The following ZFHX3 variants were observed in gnomAD, a reference collection of about 807,000 sequenced individuals.
ZFHX3 encodes the protein zinc finger homeobox 3.
ZFHX3 carries 42 observed loss-of-function variants against 279.1 expected under a neutral mutation model. That is an observed-to-expected ratio of 0.15 (90% CI 0.12 to 0.19). The LOEUF is 0.19. Among genes scored for constraint, ZFHX3 ranks in the 10% least tolerant of loss-of-function variants. The probability of loss-of-function intolerance (pLI) is 1.00; values close to 1 mark genes in which losing one functional copy is unlikely to be tolerated. For synonymous variants in ZFHX3, 2,293 were observed against 1,957.8 expected (o/e 1.17, Z -4.52); for missense variants, 4,981 against 4,754.0 (o/e 1.05, Z -1.40).
At chr16:73,260,679 GGTTT>G (rs1567433263) in intron 4 of ZFHX3, among the ~76,000 whole-genome samples, 3 of 114,752 alleles carry the variant, frequency 2.6e-5, no homozygotes, top group Non-Finnish European at 5.3e-5. Flanking sequence ...GCACCTATCT[GGTTT>G]TTTTTTTTTT....
rs188934074 is a variant in ZFHX3, at chr16:72,834,522, T to G, written c.3449-4663A>C. ...TGGTTTTGCTGACCACAAATGCAAA[T>G]TGATCTCTTAATATACCTTATACTT... On this transcript the variant is annotated intron_variant, in intron 4 of 9. Coordinates refer to ENST00000268489, the MANE Select transcript of ZFHX3 (RefSeq NM_006885.4). 2.2e-3 allele frequency among the ~76,000 whole-genome samples: 333 copies of G among 152,312 alleles called. 4 individuals carry two copies. The highest frequency in any genetic ancestry group is 7.0e-3 in the African/African-American group (290 of 41,562).
intron 2 of ZFHX3, among the ~76,000 whole-genome samples, chr16:73,462,803 T>G (rs565011105): frequency 4.0e-4 from 61 of 152,316 alleles, no homozygotes; most frequent in African/African-American, 1.2e-3. Context: ...TATATAATGT[T>G]GAATTCTATT....
intron 3 of ZFHX3, among the ~76,000 whole-genome samples, chr16:73,372,069 T>C (rs1025993616): frequency 2.6e-5 from 4 of 152,216 alleles, no homozygotes; most frequent in African/African-American, 4.8e-5. Context: ...TCCATAAAAG[T>C]CTATGTACAC....
intron 1 of ZFHX3, among the ~76,000 whole-genome samples, chr16:73,719,644 TA>T (rs1179408748): frequency 2.0e-5 from 3 of 152,226 alleles, no homozygotes; most frequent in East Asian, 3.8e-4. Context: ...TTTATTTTTT[TA>T]TTTTTTTATT....
intron 4 of ZFHX3, among the ~76,000 whole-genome samples, chr16:72,860,941 C>A (rs9937452): frequency 0.62 from 94,894 of 152,070 alleles, 30,240 homozygotes; most frequent in African/African-American, 0.75. Context: ...GTGTGCACAA[C>A]GGTGACTTTA....
chr16:73,807,619 A>ATTTTTTTT lies in ZFHX3; in HGVS notation c.-1608+84031_-1608+84032insAAAAAAAA, dbSNP rs1960314019. On this transcript the variant is annotated intron_variant, in intron 1 of 17. Transcript: ENST00000641206. ...CTACAGGCACATTCCACCATGCCCCAATTTTTTTTTTTTTTTTTTTTTTTT... is the reference window on the plus strand; with the variant it reads ...CTACAGGCACATTCCACCATGCCCCATTTTTTTTATTTTTTTTTTTTTTTTTTTTTTTT... Among the ~76,000 whole-genome samples the ATTTTTTTT allele has an allele frequency of 6.4e-5, 6 of 93,698 alleles. 1 individual carries two copies. The highest frequency in any genetic ancestry group is 3.5e-4 in the African/African-American group (6 of 16,992). 61.5% of individuals were successfully genotyped at this position (93,698 alleles called of 152,430 possible). A position where few individuals can be genotyped will look rare whatever the true frequency, so the allele number is the denominator to read the frequency against.
At chr16:73,048,841 A>T, upstream of ZFHX3, among the ~76,000 whole-genome samples, 1 of 152,262 alleles carries the variant, frequency 6.6e-6, no homozygotes, top group Non-Finnish European at 1.5e-5. Flanking sequence ...TTTTGAGGCC[A>T]GAGAAAGAGA....
At position 72,959,549 on chromosome 16, in the gene ZFHX3, G is replaced by A. The variant is rs1468402235; in HGVS notation, c.597C>T (p.His199=). The change falls in exon 2 of 10, where the codon CAC becomes CAT. Residue 199 remains histidine (H), a synonymous_variant. Transcript: ENST00000268489. ...ACCATTTCCCGAAGGATGAGGCTAT[G>A]TGGAAAGTGTTGATGATCTGCGGGT... The part of the protein sequence containing the change: ...PVYPQIINTF[H]IASSFGKWFE... 1 of 1,614,240 alleles carries A rather than the reference G, an allele frequency of 6.2e-7. No individual in the cohort carries two copies. Among genetic ancestry groups the A allele is most frequent in the African/African-American group, 1.3e-5 (1 of 75,066 alleles).
chr16:72,799,983 C>CCGG, intron 8 of ZFHX3, 44 bp downstream of exon 8: 1 of 1,566,898 alleles, frequency 6.4e-7, no homozygotes, highest in Middle Eastern at 1.7e-4. Flanking sequence ...TTTTGGCATT[C>CCGG]CATCTTGTTT....
chr16:73,814,602 T>C (rs1040858126), intron 1 of ZFHX3, among the ~76,000 whole-genome samples: 13 of 151,730 alleles, frequency 8.6e-5, no homozygotes, highest in Admixed American at 6.6e-5. Flanking sequence ...AGTTTCGCTC[T>C]TGTTGCCCAG....
chr16:73,147,881 A>G (rs898759524), intron 5 of ZFHX3, among the ~76,000 whole-genome samples: 2 of 152,172 alleles, frequency 1.3e-5, no homozygotes, highest in African/African-American at 4.8e-5. Context: ...CAAAAACAAA[A>G]ATAAAAAAAC....
intron 1 of ZFHX3, among the ~76,000 whole-genome samples, chr16:73,805,033 G>A (rs563455628): frequency 1.9e-3 from 294 of 151,814 alleles, no homozygotes; most frequent in African/African-American, 6.6e-3. Flanking sequence ...TCTTAAGCGA[G>A]TATACTTAGT....
chr16:73,035,447 C>T (rs1964864268), intron 1 of ZFHX3, among the ~76,000 whole-genome samples: 1 of 152,190 alleles, frequency 6.6e-6, no homozygotes, highest in South Asian at 2.1e-4. Flanking sequence ...CTGTCTTGAA[C>T]ATCTCCCTAA....
At chr16:73,378,824 C>T (rs907553541) in intron 3 of ZFHX3, among the ~76,000 whole-genome samples, 2 of 152,180 alleles carry the variant, frequency 1.3e-5, no homozygotes, top group South Asian at 2.1e-4. Flanking sequence ...AGCTCAAGTG[C>T]ATTATCCCCT....
chr16:73,181,610 C>A (rs1041422506), intron 5 of ZFHX3, among the ~76,000 whole-genome samples: 3 of 152,182 alleles, frequency 2.0e-5, no homozygotes, highest in African/African-American at 7.2e-5. Context: ...CAAGTTCTAT[C>A]CCCTCTTCTT....
At chr16:73,733,931 G>C (rs1166781572) in intron 1 of ZFHX3, among the ~76,000 whole-genome samples, 1 of 152,114 alleles carries the variant, frequency 6.6e-6, no homozygotes, top group Non-Finnish European at 1.5e-5. Context: ...TGGTAACAGT[G>C]GTCCCCAATT....
At chr16:73,434,255 T>C (rs1351423910) in intron 3 of ZFHX3, among the ~76,000 whole-genome samples, 1 of 152,214 alleles carries the variant, frequency 6.6e-6, no homozygotes, top group East Asian at 1.9e-4. Context: ...TCTACACTTC[T>C]CGTGCCCCAC....
At chr16:73,569,096 G>C (rs2020493652) in intron 2 of ZFHX3, among the ~76,000 whole-genome samples, 1 of 152,084 alleles carries the variant, frequency 6.6e-6, no homozygotes, top group Non-Finnish European at 1.5e-5. Flanking sequence ...GTCAAGCCAG[G>C]GACCTTAGCA....
rs767023289 is a variant in ZFHX3 at position 72,868,104 on chromosome 16, G to A, written c.3448+21627C>T. 3.0e-4 allele frequency among the ~76,000 whole-genome samples: 46 copies of A among 152,182 alleles called. 1 individual carries two copies. The highest frequency in any genetic ancestry group is 4.0e-4 in the Non-Finnish European group (27 of 68,036). ...GCAAATACTAAGTAATCAGCCAAACGAGGCTGTCCAATCTTTTTGGAATAA... is the reference window on the plus strand; with the variant it reads ...GCAAATACTAAGTAATCAGCCAAACAAGGCTGTCCAATCTTTTTGGAATAA... On this transcript the variant is annotated intron_variant, in intron 4 of 9. Transcript: ENST00000268489.
Sources: allele counts gnomAD v4.1 joint callset (sites outside exome capture counted in the v4.1 genomes callset), GRCh38; gene constraint gnomAD v4.1.1; transcripts MANE v1.5; gene names NCBI Gene and HGNC (gene_info 2026-07-23, HGNC 2026-07-21).